The following HNRNPH3 variants were observed in gnomAD, a reference collection of about 807,000 sequenced individuals.
HNRNPH3 encodes heterogeneous nuclear ribonucleoprotein H3, also known as heterogeneous nuclear ribonucleoprotein 2H9.
Under a neutral mutation model 47.0 loss-of-function variants are expected in HNRNPH3, and 7 were observed. That is an observed-to-expected ratio of 0.15 (90% CI 0.08 to 0.28). The LOEUF (loss-of-function observed/expected upper bound fraction) is 0.28. Among genes scored for constraint, HNRNPH3 ranks in the 10% least tolerant of loss-of-function variants. HNRNPH3 has a pLI of 1.00. For synonymous variants in HNRNPH3, 120 were observed against 143.2 expected, an observed-to-expected ratio of 0.84 and a Z score of 1.16; for missense variants, 279 against 449.6, an observed-to-expected ratio of 0.62 and a Z score of 3.43.
chr10:68,338,056 ATTGC>A, intron 3 of HNRNPH3, 60 bp downstream of exon 3: 1 of 1,299,430 alleles, frequency 7.7e-7, no homozygotes, highest in Non-Finnish European at 1.1e-6. Flanking sequence ...GTGGGTCACT[ATTGC>A]TTAAATGGGG....
chr10:68,339,368 G>A (rs1589711690), intron 5 of HNRNPH3, 72 bp from the exon 6 acceptor site: 4 of 1,502,016 alleles, frequency 2.7e-6, no homozygotes, highest in African/African-American at 2.8e-5. Context: ...TTTATACCTT[G>A]TATAGTATGT....
chr10:68,337,625 G>C lies in HNRNPH3; in HGVS notation c.113-233G>C. Reference sequence around the variant, plus strand: ...TGTAGCCTTTTTTCATGTAATATAGGTGGGCTTTTAGAGTGTGTAATTACA... The same window carrying C: ...TGTAGCCTTTTTTCATGTAATATAGCTGGGCTTTTAGAGTGTGTAATTACA... On this transcript the variant is annotated intron_variant, in intron 2 of 9. Coordinates refer to ENST00000265866, the MANE Select transcript of HNRNPH3 (RefSeq NM_012207.3). The surrounding 1 kb of genome is among the most constrained non-coding windows in gnomAD (Gnocchi z 4.5). 1.9e-6 allele frequency: 1 copy of C among 530,136 alleles called. No homozygotes were observed. The highest frequency in any genetic ancestry group is 3.3e-6 in the Non-Finnish European group (1 of 299,168). The allele number at this position is 530,136 out of a possible 1,614,324, so 32.8% of individuals were successfully genotyped here. A position where few individuals can be genotyped will look rare whatever the true frequency, so the allele number is the denominator to read the frequency against.
chr10:68,340,707 T>C (rs545157647), intron 6 of HNRNPH3, among the ~76,000 whole-genome samples: 1 of 152,210 alleles, frequency 6.6e-6, no homozygotes, highest in Non-Finnish European at 1.5e-5. Flanking sequence ...CCAAATGATA[T>C]CTTTTGGGGA....
intron 1 of HNRNPH3, among the ~76,000 whole-genome samples, chr10:68,336,251 G>A (rs1403159852): frequency 6.6e-6 from 1 of 152,126 alleles, no homozygotes; most frequent in African/African-American, 2.4e-5. Context: ...AGTGAGATTT[G>A]TAAGGTTCTG....
rs2045896964 is a variant in HNRNPH3 at position 68,341,027 on chromosome 10, T to C, written c.640-147T>C. 5.2e-6 allele frequency: 3 copies of C among 577,762 alleles called. No individual in the cohort carries two copies. In the South Asian group the frequency reaches 7.1e-5, roughly 14 times the overall value. The allele number at this position is 577,762 out of a possible 1,614,324, so 35.8% of individuals were successfully genotyped here. A position where few individuals can be genotyped will look rare whatever the true frequency, so the allele number is the denominator to read the frequency against. On this transcript the variant is annotated intron_variant, in intron 6 of 9. Transcript: ENST00000265866. ...TTATCCCTAAGTGTATACTCTGATATTCACAGAACCTCTGTAGTTGACTAA... is the reference window on the plus strand; with the variant it reads ...TTATCCCTAAGTGTATACTCTGATACTCACAGAACCTCTGTAGTTGACTAA...
chr10:68,341,097 G>A (rs776410784), intron 6 of HNRNPH3, 77 bp from the exon 7 acceptor site: 21 of 1,033,252 alleles, frequency 2.0e-5, no homozygotes, highest in Non-Finnish European at 2.8e-5. Flanking sequence ...TTTAATTGAT[G>A]AGGAAAAATC....
Position 68,337,751 on chromosome 10 carries a change from T to G in HNRNPH3, c.113-107T>G. The G allele has an allele frequency of 9.7e-7, 1 of 1,030,188 alleles. No individual in the cohort carries two copies. The highest frequency in any genetic ancestry group is 1.4e-6 in the Non-Finnish European group (1 of 712,838). 63.8% of individuals were successfully genotyped at this position (1,030,188 alleles called of 1,614,324 possible). The stretch of plus-strand genomic sequence containing the variant: ...GGTGATGGGAAACTAAGCTTTTTTG[T>G]TTTGTTTTGTTTTGTTTAGACTTGT... On this transcript the variant is annotated intron_variant, in intron 2 of 9. Coordinates refer to ENST00000265866, the MANE Select transcript of HNRNPH3 (RefSeq NM_012207.3). This position sits in a 1 kb window ranked among gnomAD's most constrained non-coding sequence, Gnocchi z 4.5.
intron 1 of HNRNPH3, among the ~76,000 whole-genome samples, chr10:68,335,486 T>TC (rs1385808230): frequency 2.6e-5 from 4 of 152,166 alleles, no homozygotes; most frequent in South Asian, 2.1e-4. Flanking sequence ...TTTTTTTTTT[T>TC]CCCAAACTGG....
At chr10:68,335,373 C>T (rs1011373614) in intron 1 of HNRNPH3, among the ~76,000 whole-genome samples, 2 of 150,560 alleles carry the variant, frequency 1.3e-5, no homozygotes, top group African/African-American at 4.9e-5. Flanking sequence ...CCACTTTTTC[C>T]GTTCTGTGTA....
At chr10:68,333,255 C>T (rs1252872757) in intron 1 of HNRNPH3, among the ~76,000 whole-genome samples, 1 of 107,496 alleles carries the variant, frequency 9.3e-6, no homozygotes, top group African/African-American at 3.7e-5. Flanking sequence ...GCCCAGTGAA[C>T]TATAATTGTT....
At chr10:68,333,219 G>A (rs191116865) in intron 1 of HNRNPH3, among the ~76,000 whole-genome samples, 1 of 150,190 alleles carries the variant, frequency 6.7e-6, no homozygotes, top group East Asian at 2.0e-4. Flanking sequence ...AATGTGAAAT[G>A]GGCATGTTTC....
chr10:68,342,121 A>C lies in HNRNPH3; in HGVS notation c.*67A>C, dbSNP rs547631140. On this transcript the variant is annotated 3_prime_UTR_variant, in exon 10 of 10. Transcript: ENST00000265866. ...GTCTACTAGACTTTCTTACAGATTT[A>C]ATTTCTTTTGTATTTTAAGAACTTT... The C allele has an allele frequency of 1.1e-5, 12 of 1,127,364 alleles. No homozygotes were observed. In the East Asian group the frequency reaches 2.8e-4, roughly 26 times the overall value. The allele number at this position is 1,127,364 out of a possible 1,614,324, so 69.8% of individuals were successfully genotyped here.
chr10:68,337,116 A>G lies in HNRNPH3; in HGVS notation c.-23-83A>G, dbSNP rs2045585072. The stretch of plus-strand genomic sequence containing the variant: ...CCCATGTTACATTTCCTCTTGTGGC[A>G]CCTCTGAGAGGTGTTTCTTCATTAC... On this transcript the variant is annotated intron_variant, in intron 1 of 9. Coordinates refer to ENST00000265866, the MANE Select transcript of HNRNPH3 (RefSeq NM_012207.3). The surrounding 1 kb of genome is among the most constrained non-coding windows in gnomAD (Gnocchi z 4.5). The G allele has an allele frequency of 1.6e-6, 1 of 608,280 alleles. No individual in the cohort carries two copies. The highest frequency in any genetic ancestry group is 2.9e-6 in the Non-Finnish European group (1 of 345,196). The allele number at this position is 608,280 out of a possible 1,614,324, so 37.7% of individuals were successfully genotyped here.
chr10:68,341,944 C>T, intron 9 of HNRNPH3, 34 bp from the exon 10 acceptor site: 1 of 1,605,000 alleles, frequency 6.2e-7, no homozygotes, highest in Non-Finnish European at 8.5e-7. Context: ...GCAGATATCT[C>T]CTGCTGAGTG....
chr10:68,342,246 C>G lies in HNRNPH3; in HGVS notation c.*192C>G. The G allele has an allele frequency of 2.0e-6, 1 of 492,832 alleles. No homozygotes were observed. Among genetic ancestry groups the G allele is most frequent in the East Asian group, 3.3e-5 (1 of 29,882 alleles). 30.5% of individuals were successfully genotyped at this position (492,832 alleles called of 1,614,324 possible). A position where few individuals can be genotyped will look rare whatever the true frequency, so the allele number is the denominator to read the frequency against. On this transcript the variant is annotated 3_prime_UTR_variant, in exon 10 of 10. Transcript: ENST00000265866. Reference sequence around the variant, plus strand: ...TAGGTTTATTTGTTGCATACTTTGACTTAAAAATAAATTTTTATATTCAAA... The same window carrying G: ...TAGGTTTATTTGTTGCATACTTTGAGTTAAAAATAAATTTTTATATTCAAA...
chr10:68,335,506 G>A (rs1320727720), intron 1 of HNRNPH3, among the ~76,000 whole-genome samples: 1 of 151,468 alleles, frequency 6.6e-6, no homozygotes, highest in African/African-American at 2.4e-5. Context: ...GATTGGGGCC[G>A]CCTCCTCTCA....
intron 6 of HNRNPH3, among the ~76,000 whole-genome samples, chr10:68,340,339 T>G (rs2045823384): frequency 6.6e-6 from 1 of 152,212 alleles, no homozygotes. Flanking sequence ...GTATTAGGGT[T>G]TGAAAGAGTG....
upstream of HNRNPH3, chr10:68,331,953 C>T (rs1295923652): frequency 6.6e-6 from 1 of 152,386 alleles, no homozygotes; most frequent in Non-Finnish European, 1.5e-5. Flanking sequence ...CTGCGTGCCG[C>T]CAGCGCCATG....
intron 9 of HNRNPH3, 59 bp from the exon 10 acceptor site, chr10:68,341,919 C>T (rs745401610): frequency 1.0e-4 from 160 of 1,596,182 alleles, no homozygotes; most frequent in Middle Eastern, 3.3e-4. Flanking sequence ...GCAGGTATTA[C>T]TTTTATTATT....
Sources: allele counts gnomAD v4.1 joint callset (sites outside exome capture counted in the v4.1 genomes callset), GRCh38; gene constraint gnomAD v4.1.1; non-coding constraint Gnocchi (gnomAD v3.1); transcripts MANE v1.5; gene names NCBI Gene and HGNC (gene_info 2026-07-23, HGNC 2026-07-21).